RIPK4: variants seen among roughly 807,000 people sequenced by gnomAD.
RIPK4 encodes the protein receptor interacting serine/threonine kinase 4.
In RIPK4, 17 loss-of-function variants were observed where a neutral mutation model predicts 42.9. The observed-to-expected ratio is 0.40, with a 90% CI of 0.27 to 0.59. The LOEUF (loss-of-function observed/expected upper bound fraction) is 0.59, where lower values mean the gene tolerates loss of function less well. Ranked by LOEUF, RIPK4 falls within the 20% of genes least tolerant of loss-of-function variation. The pLI, the probability that RIPK4 is intolerant of heterozygous loss-of-function variation, is 0.47. For synonymous variants in RIPK4, 498 were observed against 499.1 expected (o/e 1.00, Z 0.03); for missense variants, 897 against 1,104.4 (o/e 0.81, Z 2.66).
chr21:41,741,419 G>A lies in RIPK4; in HGVS notation c.1774C>T (p.Gln592Ter). ...TGGGCGTTCACACTCACCCCCGGCT[G>A]CTTGGCCAGCAGCTTGACGATGGGC... Reference protein sequence around the residue: ...HLPIVKLLAKQPGVSVNAQTL... With the variant: ...HLPIVKLLAK Residue 592 changes from glutamine (Q) to a stop codon, truncating the protein, a stop_gained, in exon 8 of 8, where the codon CAG becomes TAG. Coordinates refer to ENST00000332512, the MANE Select transcript of RIPK4 (RefSeq NM_020639.3). LOFTEE classifies it low-confidence loss of function (END_TRUNC). 1 of 1,612,830 alleles carries A rather than the reference G, an allele frequency of 6.2e-7. No individual in the cohort carries two copies. The highest frequency in any genetic ancestry group is 8.5e-7 in the Non-Finnish European group (1 of 1,179,944).
intron 2 of RIPK4, among the ~76,000 whole-genome samples, chr21:41,753,700 C>A (rs755949631): frequency 1.3e-5 from 2 of 152,178 alleles, no homozygotes; most frequent in African/African-American, 2.4e-5. Flanking sequence ...TCACAGCTGC[C>A]CCCAAGCACA....
In RIPK4 at chr21:41,744,002, CAGA is replaced by C. The variant is rs777729402; in HGVS notation, c.1072_1074del (p.Ser358del). On this transcript the variant is annotated inframe_deletion, in exon 7 of 8. Transcript: ENST00000332512. ...CTGCCGGACGATGGCAGCTTGGACT[CAGA>C]GGAGCTGCGGCTGAGCTCCTCGGGG... 1 of 1,613,418 alleles carries C rather than the reference CAGA, an allele frequency of 6.2e-7. No individual in the cohort carries two copies. Among genetic ancestry groups the C allele is most frequent in the South Asian group, 1.1e-5 (1 of 91,058 alleles).
intron 4 of RIPK4, among the ~76,000 whole-genome samples, chr21:41,748,868 G>C (rs963366510): frequency 1.3e-5 from 2 of 152,200 alleles, no homozygotes; most frequent in South Asian, 2.1e-4. Context: ...AACACTGCCA[G>C]TGTAGTTAAT....
At position 41,740,112 on chromosome 21, in the gene RIPK4, A is replaced by G. The variant is rs1239818702; in HGVS notation, c.*726T>C. On this transcript the variant is annotated 3_prime_UTR_variant, in exon 8 of 8. Coordinates refer to ENST00000332512, the MANE Select transcript of RIPK4 (RefSeq NM_020639.3). ...TCTTAGGCAACGAGAAACGAACGGCAGCTAGTACCATGTGGGCACGTGTGT... is the reference window on the plus strand; with the variant it reads ...TCTTAGGCAACGAGAAACGAACGGCGGCTAGTACCATGTGGGCACGTGTGT... 1 of 152,186 alleles carries G rather than the reference A, an allele frequency of 6.6e-6. No individual in the cohort carries two copies. The highest frequency in any genetic ancestry group is 1.5e-5 in the Non-Finnish European group (1 of 68,042). 9.4% of individuals were successfully genotyped at this position (152,186 alleles called of 1,614,324 possible).
Position 41,740,959 on chromosome 21 carries a change from C to A in RIPK4, c.2234G>T (p.Gly745Val). The change falls in exon 8 of 8, where the codon GGC becomes GTC. Residue 745 changes from glycine to valine, a missense_variant. Gly to Val is a moderately radical substitution (Grantham distance 109). Coordinates refer to ENST00000332512, the MANE Select transcript of RIPK4 (RefSeq NM_020639.3). ...GLSALHLAAQ[G>V]RHAQTVETLL... is the part of the protein sequence containing the mutation. Reference sequence around the variant, plus strand: ...AGTCTCCACCGTCTGTGCGTGCCGGCCCTGGGCGGCCAGGTGCAGCGCGCT... The same window carrying A: ...AGTCTCCACCGTCTGTGCGTGCCGGACCTGGGCGGCCAGGTGCAGCGCGCT... 1.2e-6 allele frequency: 2 copies of A among 1,612,270 alleles called. No homozygotes were observed. The highest frequency in any genetic ancestry group is 2.2e-5 in the East Asian group (1 of 44,860).
At chr21:41,743,766 G>T in intron 7 of RIPK4, 116 bp downstream of exon 7, 1 of 1,327,002 alleles carries the variant, frequency 7.5e-7, no homozygotes, top group Admixed American at 2.3e-5. Context: ...ACACAAAGAA[G>T]AATTCTTGCT....
chr21:41,743,793 C>G, intron 7 of RIPK4, 89 bp downstream of exon 7: 1 of 1,440,090 alleles, frequency 6.9e-7, no homozygotes, highest in Non-Finnish European at 9.3e-7. Context: ...AGAAACTGTC[C>G]CCTTGATTCC....
At chr21:41,746,370 C>A (rs559477971) in intron 5 of RIPK4, among the ~76,000 whole-genome samples, 30 of 152,236 alleles carry the variant, frequency 2.0e-4, no homozygotes, top group Non-Finnish European at 4.1e-4. Flanking sequence ...GCAAGCCCAA[C>A]CCTGGTGGGG....
chr21:41,744,184 GAC>G, intron 6 of RIPK4, 44 bp from the exon 7 acceptor site: 1 of 1,512,930 alleles, frequency 6.6e-7, no homozygotes, highest in Non-Finnish European at 8.8e-7. Flanking sequence ...CCCTGCCATA[GAC>G]CGCATGGCCC....
intron 6 of RIPK4, 112 bp downstream of exon 6, chr21:41,745,647 G>A (rs2061168257): frequency 1.3e-6 from 1 of 769,140 alleles, no homozygotes; most frequent in Non-Finnish European, 2.2e-6. Flanking sequence ...GATGGGCTCA[G>A]AAGAGAGGGA....
intron 2 of RIPK4, among the ~76,000 whole-genome samples, chr21:41,754,415 C>T (rs1020834167): frequency 1.1e-4 from 16 of 152,220 alleles, no homozygotes; most frequent in Non-Finnish European, 2.2e-4. Context: ...ATCTTTCCTG[C>T]GGCCTGTCAG....
intron 1 of RIPK4, 101 bp downstream of exon 1, chr21:41,766,759 G>T (rs1178897544): frequency 8.0e-7 from 1 of 1,252,896 alleles, no homozygotes; most frequent in African/African-American, 1.6e-5. Flanking sequence ...TGCTCCGGGG[G>T]TGAGTTCGGG....
intron 6 of RIPK4, 42 bp from the exon 7 acceptor site, chr21:41,744,182 T>C (rs758044424): frequency 5.3e-6 from 8 of 1,520,192 alleles, no homozygotes; most frequent in East Asian, 2.3e-5. Context: ...GACCCTGCCA[T>C]AGACCGCATG....
chr21:41,749,763 G>A (rs192825155), intron 3 of RIPK4, among the ~76,000 whole-genome samples: 3 of 152,066 alleles, frequency 2.0e-5, no homozygotes, highest in African/African-American at 4.8e-5. Context: ...CGCAGAAAAC[G>A]TAGGAGACAA....
Position 41,749,224 on chromosome 21 carries a change from G to A in RIPK4, c.624-21C>T, listed in dbSNP as rs376814688. 32 of 1,613,254 alleles carry A rather than the reference G, an allele frequency of 2.0e-5. No individual in the cohort carries two copies. The African/African-American group carries it at 2.5e-4, about 13-fold the overall frequency. On this transcript the variant is annotated intron_variant, in intron 3 of 7. Coordinates refer to ENST00000332512, the MANE Select transcript of RIPK4 (RefSeq NM_020639.3). ...CAAAGCTGGAAGAGAAACCAGGCAC[G>A]TTAGCATCTGACAGCCAGAGACTCA...
chr21:41,757,593 T>C (rs1045443140), intron 1 of RIPK4, among the ~76,000 whole-genome samples: 1 of 150,338 alleles, frequency 6.7e-6, no homozygotes, highest in Admixed American at 6.6e-5. Flanking sequence ...TTAAGCCCAA[T>C]ACCTGAGTTG....
chr21:41,742,628 C>G lies in RIPK4; in HGVS notation c.1196-631G>C, dbSNP rs1569099536. 6.6e-6 allele frequency among the ~76,000 whole-genome samples: 1 copy of G among 152,188 alleles called. No homozygotes were observed. The highest frequency in any genetic ancestry group is 1.5e-5 in the Non-Finnish European group (1 of 68,038). On this transcript the variant is annotated intron_variant, in intron 7 of 7. Transcript: ENST00000332512. This position sits in a 1 kb window ranked among gnomAD's most constrained non-coding sequence, Gnocchi z 5.1. The stretch of plus-strand genomic sequence containing the variant: ...AAATCCTACCGTAGTGCCTGGAATG[C>G]TGAAACCCTGCAACGAGACTCTCCT...
chr21:41,750,028 G>T (rs1482785146), intron 3 of RIPK4, among the ~76,000 whole-genome samples: 1 of 152,036 alleles, frequency 6.6e-6, no homozygotes. Flanking sequence ...TCAAAAGCTG[G>T]AACTCCAAAC....
intron 4 of RIPK4, among the ~76,000 whole-genome samples, chr21:41,748,589 C>T (rs138560469): frequency 1.4e-4 from 21 of 152,328 alleles, no homozygotes; most frequent in South Asian, 2.1e-4. Flanking sequence ...CGCAAGCACG[C>T]GGGTACATGT....
Sources: gnomAD v4.1 joint callset for allele counts (sites outside exome capture counted in the v4.1 genomes callset) on GRCh38, gnomAD v4.1.1 for gene constraint, Gnocchi (gnomAD v3.1) non-coding constraint, MANE v1.5 for transcripts, NCBI Gene and HGNC (gene_info 2026-07-23, HGNC 2026-07-21) for gene names.